Variants in MCMDC2 observed in about 807,000 individuals in gnomAD.
MCMDC2 encodes the protein minichromosome maintenance domain-containing protein 2.
In MCMDC2, 54 loss-of-function variants were observed where a neutral mutation model predicts 75.8. The observed-to-expected ratio is 0.71, with a 90% CI of 0.57 to 0.89. The LOEUF is 0.89. Among genes scored for constraint, MCMDC2 ranks in the 40% least tolerant of loss-of-function variants. The pLI is 0.00. For synonymous variants in MCMDC2, 249 were observed against 274.6 expected (o/e 0.91, Z 0.92); for missense variants, 656 against 780.4 (o/e 0.84, Z 1.90).
chr8:66,892,898 A>G (rs1812177630), intron 10 of MCMDC2, among the ~76,000 whole-genome samples: 1 of 152,246 alleles, frequency 6.6e-6, no homozygotes, highest in Non-Finnish European at 1.5e-5. Context: ...CCAGCCTTGC[A>G]TACCTGGGAT....
intron 12 of MCMDC2, among the ~76,000 whole-genome samples, chr8:66,900,660 A>C (rs1310480311): frequency 6.6e-6 from 1 of 151,944 alleles, no homozygotes; most frequent in Non-Finnish European, 1.5e-5. Flanking sequence ...GAAAGAAAAG[A>C]AAAGCACAAA....
intron 14 of MCMDC2, among the ~76,000 whole-genome samples, chr8:66,914,394 A>G (rs1266660157): frequency 6.6e-6 from 1 of 152,078 alleles, no homozygotes; most frequent in Non-Finnish European, 1.5e-5. Context: ...AATGGAAGGG[A>G]CTTACTTTGG....
intron 8 of MCMDC2, 52 bp from the exon 9 acceptor site, chr8:66,883,705 G>T: frequency 2.1e-6 from 2 of 955,850 alleles, no homozygotes; most frequent in South Asian, 3.1e-5. Flanking sequence ...TATCTATAAT[G>T]TTGTCTTGTT....
intron 5 of MCMDC2, among the ~76,000 whole-genome samples, chr8:66,878,074 C>T (rs926168730): frequency 6.6e-5 from 10 of 151,988 alleles, no homozygotes; most frequent in African/African-American, 2.4e-4. Flanking sequence ...TGCTGAAGTA[C>T]TTGCTCTTCT....
intron 1 of MCMDC2, among the ~76,000 whole-genome samples, chr8:66,872,560 C>T (rs2130783548): frequency 6.6e-6 from 1 of 152,216 alleles, no homozygotes; most frequent in East Asian, 1.9e-4. Context: ...TGTCTTCTCT[C>T]ACTGCACTCT....
At chr8:66,918,546 G>A (rs1813405771) in intron 14 of MCMDC2, among the ~76,000 whole-genome samples, 1 of 152,126 alleles carries the variant, frequency 6.6e-6, no homozygotes, top group Non-Finnish European at 1.5e-5. Flanking sequence ...GTACTACAAT[G>A]TCTTTATCTT....
In MCMDC2 at chr8:66,874,102, A is replaced by T; in HGVS notation, c.-39A>T. 1.4e-6 allele frequency: 2 copies of T among 1,448,410 alleles called. No homozygotes were observed. Among genetic ancestry groups the T allele is most frequent in the Non-Finnish European group, 1.9e-6 (2 of 1,059,838 alleles). 89.7% of individuals were successfully genotyped at this position (1,448,410 alleles called of 1,614,324 possible). A position where few individuals can be genotyped will look rare whatever the true frequency, so the allele number is the denominator to read the frequency against. On this transcript the variant is annotated 5_prime_UTR_variant, in exon 2 of 15. Transcript: ENST00000422365. Reference sequence around the variant, plus strand: ...TCGCCATCTATAGCTTTTATCAACAATTGTGGTTTAATCAATTAGAAATAT... The same window carrying T: ...TCGCCATCTATAGCTTTTATCAACATTTGTGGTTTAATCAATTAGAAATAT...
intron 10 of MCMDC2, among the ~76,000 whole-genome samples, chr8:66,893,100 A>G (rs1218103637): frequency 6.6e-6 from 1 of 152,258 alleles, no homozygotes; most frequent in Non-Finnish European, 1.5e-5. Context: ...ACTAGCAAGG[A>G]TATGGACAGC....
chr8:66,874,614 T>A, intron 4 of MCMDC2, 28 bp downstream of exon 4: 1 of 1,585,250 alleles, frequency 6.3e-7, no homozygotes, highest in Non-Finnish European at 8.6e-7. Context: ...TTAAGCAAAC[T>A]CAGGTACAGA....
chr8:66,918,891 C>A (rs1813419147), intron 14 of MCMDC2, 112 bp from the exon 15 acceptor site: 2 of 965,364 alleles, frequency 2.1e-6, no homozygotes, highest in Non-Finnish European at 2.9e-6. Flanking sequence ...ACCACATGGG[C>A]TCAGACTTAA....
intron 13 of MCMDC2, 33 bp downstream of exon 13, chr8:66,901,381 A>G (rs1812650883): frequency 6.3e-7 from 1 of 1,583,592 alleles, no homozygotes; most frequent in African/African-American, 1.4e-5. Flanking sequence ...TAAAATCAGC[A>G]TTGAGTTTCA....
chr8:66,876,477 T>C, intron 4 of MCMDC2, among the ~76,000 whole-genome samples: 1 of 152,172 alleles, frequency 6.6e-6, no homozygotes. Context: ...GTCATTCCTT[T>C]TGATGCTCAT....
intron 9 of MCMDC2, among the ~76,000 whole-genome samples, chr8:66,886,233 T>G (rs1193568321): frequency 1.3e-5 from 2 of 151,496 alleles, no homozygotes; most frequent in African/African-American, 2.4e-5. Context: ...GGCACCATCT[T>G]GGCTCACTGC....
intron 10 of MCMDC2, among the ~76,000 whole-genome samples, chr8:66,892,280 A>G (rs1308838401): frequency 6.6e-6 from 1 of 152,166 alleles, no homozygotes. Context: ...AGAGTGTGTC[A>G]CCACTCACAG....
chr8:66,891,191 G>C, intron 10 of MCMDC2, 121 bp downstream of exon 10: 1 of 879,042 alleles, frequency 1.1e-6, no homozygotes, highest in African/African-American at 1.8e-5. Flanking sequence ...TATGTTAGAT[G>C]GCATTTCTTA....
At chr8:66,880,209 TTTCTTAATATATAAAGTA>T (rs1288195597) in intron 7 of MCMDC2, among the ~76,000 whole-genome samples, 1 of 152,148 alleles carries the variant, frequency 6.6e-6, no homozygotes, top group Non-Finnish European at 1.5e-5. Flanking sequence ...AACCTCTCAG[TTTCTTAATATATAAAGTA>T]CAGATAAGAA....
At chr8:66,901,506 T>G (rs1812658929) in intron 13 of MCMDC2, 158 bp downstream of exon 13, 1 of 1,354,630 alleles carries the variant, frequency 7.4e-7, no homozygotes, top group Non-Finnish European at 9.5e-7. Context: ...GCTTCACAAT[T>G]CCTTTTGTTA....
In MCMDC2 at chr8:66,874,682, G is replaced by T. The variant is rs975838598; in HGVS notation, c.285+96G>T. 7 of 1,091,806 alleles carry T rather than the reference G, an allele frequency of 6.4e-6. No individual in the cohort carries two copies. The African/African-American group carries it at 6.4e-5, about 10-fold the overall frequency. The allele number at this position is 1,091,806 out of a possible 1,614,324, so 67.6% of individuals were successfully genotyped here. A position where few individuals can be genotyped will look rare whatever the true frequency, so the allele number is the denominator to read the frequency against. On this transcript the variant is annotated intron_variant, in intron 4 of 14. Coordinates refer to ENST00000422365, the MANE Select transcript of MCMDC2 (RefSeq NM_173518.5). ...TATTCATAGACTTTTTATTTAAAAG[G>T]ATACTACTTTTTTTCAAAATTCAAT...
chr8:66,897,267 G>T (rs778481113), intron 12 of MCMDC2, among the ~76,000 whole-genome samples: 54 of 151,960 alleles, frequency 3.6e-4, no homozygotes, highest in Non-Finnish European at 5.7e-4. Flanking sequence ...AATTAGCTGG[G>T]CGTGGTGGTG....
Sources: gnomAD v4.1 joint callset for allele counts (sites outside exome capture counted in the v4.1 genomes callset) on GRCh38, gnomAD v4.1.1 for gene constraint, MANE v1.5 for transcripts, NCBI Gene and HGNC (gene_info 2026-07-23, HGNC 2026-07-21) for gene names.